Variants in DLG2 observed in about 807,000 individuals in gnomAD.
DLG2 encodes disks large homolog 2.
In DLG2, 45 loss-of-function variants were observed where a neutral mutation model predicts 132.5. That is an observed-to-expected ratio of 0.34 (90% confidence interval 0.27 to 0.44). DLG2 has a LOEUF of 0.44. Ranked by LOEUF, DLG2 falls within the 20% of genes least tolerant of loss-of-function variation. The pLI is 1.00. For synonymous variants in DLG2, 424 were observed against 419.6 expected (o/e 1.01, Z -0.13); for missense variants, 1,045 against 1,196.9 (o/e 0.87, Z 1.87).
intron 9 of DLG2, among the ~76,000 whole-genome samples, chr11:84,101,381 A>C (rs1423556087): frequency 1.3e-5 from 2 of 152,158 alleles, no homozygotes; most frequent in African/African-American, 4.8e-5. Flanking sequence ...AGCAGAGTGT[A>C]CGAGAAACCA....
intron 17 of DLG2, among the ~76,000 whole-genome samples, chr11:83,797,819 C>T (rs987990756): frequency 2.0e-5 from 3 of 152,210 alleles, no homozygotes; most frequent in South Asian, 2.1e-4. Flanking sequence ...CACCCGGCCG[C>T]GTTTGCATTC....
At chr11:84,640,606 G>A in intron 6 of DLG2, 1 of 255,710 alleles carries the variant, frequency 3.9e-6, no homozygotes, top group Non-Finnish European at 7.6e-6. Flanking sequence ...GATGCTGGAT[G>A]ATTCCTAAGA....
chr11:84,836,332 T>G (rs1481108786), intron 6 of DLG2, among the ~76,000 whole-genome samples: 4 of 151,680 alleles, frequency 2.6e-5, no homozygotes, highest in Non-Finnish European at 4.4e-5. Flanking sequence ...ATTTTTTGAG[T>G]GCCAATGTAC....
rs191091342 is a variant in DLG2 at position 83,661,161 on chromosome 11, G to A, written c.1826-27836C>T. Among the ~76,000 whole-genome samples, 9 of 152,198 alleles carry A rather than the reference G, an allele frequency of 5.9e-5. No homozygotes were observed. The East Asian group carries it at 1.7e-3, about 29-fold the overall frequency. ...GACAACCTTGTGCTGTGGGGGATGT[G>A]CTGGCTCTGGGGAAAAAGCATTTGC... On this transcript the variant is annotated intron_variant, in intron 18 of 27. Coordinates refer to ENST00000376104, the MANE Select transcript of DLG2 (RefSeq NM_001142699.3).
intron 6 of DLG2, among the ~76,000 whole-genome samples, chr11:84,705,983 A>G (rs1304549276): frequency 6.6e-6 from 1 of 151,788 alleles, no homozygotes; most frequent in Non-Finnish European, 1.5e-5. Context: ...ACCTCATGAT[A>G]TTTACAGCCT....
At chr11:83,975,420 T>C (rs565551389) in intron 12 of DLG2, among the ~76,000 whole-genome samples, 1 of 152,098 alleles carries the variant, frequency 6.6e-6, no homozygotes, top group African/African-American at 2.4e-5. Context: ...AAAAATATTA[T>C]TTTGCTAAAA....
chr11:84,143,734 T>C (rs1244908999), intron 9 of DLG2, among the ~76,000 whole-genome samples: 1 of 152,194 alleles, frequency 6.6e-6, no homozygotes, highest in Non-Finnish European at 1.5e-5. Flanking sequence ...CTAGTGTTTT[T>C]ATTACTTCTC....
chr11:84,226,963 G>A (rs1262556049), intron 8 of DLG2, among the ~76,000 whole-genome samples: 1 of 151,992 alleles, frequency 6.6e-6, no homozygotes, highest in Non-Finnish European at 1.5e-5. Context: ...GTGGGCGCCT[G>A]TAATCCCAAT....
At chr11:84,584,285 A>AT (rs1307682494) in intron 6 of DLG2, among the ~76,000 whole-genome samples, 2 of 152,144 alleles carry the variant, frequency 1.3e-5, no homozygotes, top group Admixed American at 1.3e-4. Context: ...TTGTTATACT[A>AT]TATAAGTATT....
chr11:85,048,997 C>G lies in DLG2; in HGVS notation c.357+62664G>C, dbSNP rs996181811. Among the ~76,000 whole-genome samples, 11 of 152,130 alleles carry G rather than the reference C, an allele frequency of 7.2e-5. 1 individual carries two copies. Among genetic ancestry groups the G allele is most frequent in the Middle Eastern group, 6.8e-3 (2 of 294 alleles). On this transcript the variant is annotated intron_variant, in intron 6 of 27. Coordinates refer to ENST00000376104, the MANE Select transcript of DLG2 (RefSeq NM_001142699.3). ...TGATTAGCATTAAAATTCAATAACC[C>G]TATACCTCCATGATATGAATACATA...
intron 18 of DLG2, among the ~76,000 whole-genome samples, chr11:83,685,128 G>A (rs1194254525): frequency 2.6e-5 from 4 of 152,006 alleles, no homozygotes; most frequent in African/African-American, 4.8e-5. Context: ...TATCTTTACC[G>A]TATAGGTGAG....
chr11:84,013,425 C>T (rs2094991690), intron 11 of DLG2, among the ~76,000 whole-genome samples: 1 of 152,072 alleles, frequency 6.6e-6, no homozygotes, highest in African/African-American at 2.4e-5. Context: ...ACTGCAGCAT[C>T]AGTGAGAAGT....
intron 3 of DLG2, among the ~76,000 whole-genome samples, chr11:85,334,672 T>C (rs186103626): frequency 6.6e-6 from 1 of 152,356 alleles, no homozygotes; most frequent in East Asian, 1.9e-4. Context: ...TGCCTTAATT[T>C]CATTCTTTAC....
intron 4 of DLG2, among the ~76,000 whole-genome samples, chr11:85,247,642 A>G (rs187917025): frequency 1.3e-5 from 2 of 152,120 alleles, no homozygotes; most frequent in Non-Finnish European, 2.9e-5. Flanking sequence ...GGGGAATGAA[A>G]TATTTCCCTA....
At chr11:83,731,580 T>C (rs887292331) in intron 18 of DLG2, among the ~76,000 whole-genome samples, 3 of 152,212 alleles carry the variant, frequency 2.0e-5, no homozygotes, top group Admixed American at 6.5e-5. Context: ...CTATTGGAAA[T>C]AGTGATGCAA....
At chr11:85,522,516 C>T (rs1488905198) in intron 3 of DLG2, among the ~76,000 whole-genome samples, 1 of 152,164 alleles carries the variant, frequency 6.6e-6, no homozygotes, top group Non-Finnish European at 1.5e-5. Context: ...AATAGTAGAT[C>T]CACCAACAGC....
chr11:84,064,560 C>T (rs1573571), intron 10 of DLG2, among the ~76,000 whole-genome samples: 122,735 of 151,652 alleles, frequency 0.81, 50,488 homozygotes, highest in Middle Eastern at 0.92. Flanking sequence ...TTGTTATTGA[C>T]TGATTGTTAC....
At chr11:84,147,803 A>G (rs868486109) in intron 9 of DLG2, among the ~76,000 whole-genome samples, 1 of 152,134 alleles carries the variant, frequency 6.6e-6, no homozygotes, top group East Asian at 1.9e-4. Flanking sequence ...GCCTTTTGAT[A>G]TAGTCAAATA....
chr11:85,625,574 T>C, intron 2 of DLG2, among the ~76,000 whole-genome samples: 1 of 152,200 alleles, frequency 6.6e-6, no homozygotes, highest in Non-Finnish European at 1.5e-5. Context: ...ATAAGTTTCC[T>C]CAACATCCCT....
Sources: gnomAD v4.1 joint callset for allele counts (sites outside exome capture counted in the v4.1 genomes callset) on GRCh38, gnomAD v4.1.1 for gene constraint, MANE v1.5 for transcripts, NCBI Gene and HGNC (gene_info 2026-07-23, HGNC 2026-07-21) for gene names.